Variants in ESRRG observed in about 807,000 individuals in gnomAD.
ESRRG encodes the protein estrogen related receptor gamma.
ESRRG carries 13 observed loss-of-function variants against 44.0 expected under a neutral mutation model. That is an observed-to-expected ratio of 0.30 (90% CI 0.19 to 0.47). The LOEUF (loss-of-function observed/expected upper bound fraction) is 0.47, where lower values mean the gene tolerates loss of function less well. ESRRG is among the 20% of genes least tolerant of loss of function. ESRRG has a pLI of 1.00. For synonymous variants in ESRRG, 215 were observed against 214.6 expected (o/e 1.00, Z -0.02); for missense variants, 395 against 580.6 (o/e 0.68, Z 3.29).
chr1:217,109,217 C>T (rs1261366747), intron 1 of ESRRG, among the ~76,000 whole-genome samples: 5 of 151,900 alleles, frequency 3.3e-5, no homozygotes, highest in African/African-American at 9.7e-5. Context: ...TCTGTATAAA[C>T]CAGTGAAGAG....
At position 216,554,690 on chromosome 1, in the gene ESRRG, G is replaced by A. The variant is rs372508997; in HGVS notation, c.862+9529C>T. Among the ~76,000 whole-genome samples the A allele has an allele frequency of 1.9e-4, 29 of 152,148 alleles. No individual in the cohort carries two copies. The South Asian group carries it at 5.2e-3, about 27-fold the overall frequency. On this transcript the variant is annotated intron_variant, in intron 5 of 6. Transcript: ENST00000408911. ...AATATGGATAGTTGGGGTCACTTTTGCTGTCAGTTAGTACAACTTTCCTGT... is the reference window on the plus strand; with the variant it reads ...AATATGGATAGTTGGGGTCACTTTTACTGTCAGTTAGTACAACTTTCCTGT...
intron 5 of ESRRG, among the ~76,000 whole-genome samples, chr1:216,534,969 G>A (rs575450163): frequency 6.6e-6 from 1 of 152,268 alleles, no homozygotes; most frequent in South Asian, 2.1e-4. Context: ...CCTGCAAACT[G>A]AAATGATGGA....
intron 1 of ESRRG, among the ~76,000 whole-genome samples, chr1:216,997,178 T>C (rs2076470824): frequency 6.6e-6 from 1 of 152,228 alleles, no homozygotes; most frequent in Admixed American, 6.5e-5. Context: ...CAGGGTACTT[T>C]AAATTCTCTT....
chr1:216,607,666 A>G (rs765752064), intron 3 of ESRRG, among the ~76,000 whole-genome samples: 1 of 152,278 alleles, frequency 6.6e-6, no homozygotes, highest in South Asian at 2.1e-4. Context: ...CTATTTTCTC[A>G]GTGGCTATTT....
chr1:216,628,836 C>G (rs1298210097), intron 3 of ESRRG, among the ~76,000 whole-genome samples: 1 of 152,164 alleles, frequency 6.6e-6, no homozygotes, highest in Non-Finnish European at 1.5e-5. Flanking sequence ...TTATCAAGTC[C>G]CTGACTCCAT....
chr1:217,029,263 A>G (rs1288066508), intron 1 of ESRRG, among the ~76,000 whole-genome samples: 1 of 152,206 alleles, frequency 6.6e-6, no homozygotes, highest in African/African-American at 2.4e-5. Context: ...GCATAAAATA[A>G]TAAGAAAAAT....
chr1:216,724,206 T>A (rs762157544), upstream of ESRRG, among the ~76,000 whole-genome samples: 4 of 152,138 alleles, frequency 2.6e-5, no homozygotes, highest in Non-Finnish European at 4.4e-5. Context: ...CGACTGTCTC[T>A]TTACATATAG....
intron 1 of ESRRG, among the ~76,000 whole-genome samples, chr1:217,025,424 T>G (rs560019754): frequency 7.2e-5 from 11 of 152,176 alleles, no homozygotes; most frequent in African/African-American, 2.6e-4. Flanking sequence ...ACTAAAGAAA[T>G]AAAGTCTGTC....
chr1:216,788,939 G>A (rs1257993610), intron 2 of ESRRG, among the ~76,000 whole-genome samples: 1 of 152,158 alleles, frequency 6.6e-6, no homozygotes, highest in African/African-American at 2.4e-5. Context: ...AATGGAGCCT[G>A]AAAGTGGAAC....
chr1:217,135,821 G>A (rs935555109), intron 1 of ESRRG, among the ~76,000 whole-genome samples: 2 of 152,170 alleles, frequency 1.3e-5, no homozygotes, highest in African/African-American at 4.8e-5. Flanking sequence ...GCGGGCGCGG[G>A]GATTCGGGCT....
rs371550285 is a variant in ESRRG, at chr1:216,854,091, G to C, written c.-14+85491C>G. 1.5e-3 allele frequency among the ~76,000 whole-genome samples: 231 copies of C among 152,090 alleles called. 2 individuals are homozygous for C. The highest frequency in any genetic ancestry group is 5.4e-3 in the African/African-American group (225 of 41,498). On this transcript the variant is annotated intron_variant, in intron 2 of 7. Transcript: ENST00000359162. The stretch of plus-strand genomic sequence containing the variant: ...TCCCTAGATGTGGCAGGGTGCGGTG[G>C]CTCATGCCTGTAATCCTAGCACTTT...
chr1:216,572,505 A>G (rs1435927945), intron 3 of ESRRG, among the ~76,000 whole-genome samples: 1 of 152,124 alleles, frequency 6.6e-6, no homozygotes, highest in East Asian at 1.9e-4. Flanking sequence ...ACAATACTGT[A>G]TAGATATCAT....
chr1:216,924,305 A>G (rs1028847140), intron 2 of ESRRG, among the ~76,000 whole-genome samples: 1 of 152,208 alleles, frequency 6.6e-6, no homozygotes, highest in Non-Finnish European at 1.5e-5. Context: ...TCTCTATCCT[A>G]ACATGCAGAT....
At chr1:216,707,737 T>C (rs573177953) in intron 1 of ESRRG, among the ~76,000 whole-genome samples, 1 of 152,358 alleles carries the variant, frequency 6.6e-6, no homozygotes, top group Non-Finnish European at 1.5e-5. Flanking sequence ...ATCAAGAAAA[T>C]GCAGTTCAAT....
At chr1:217,042,358 C>T (rs2084005074) in intron 1 of ESRRG, among the ~76,000 whole-genome samples, 1 of 151,938 alleles carries the variant, frequency 6.6e-6, no homozygotes, top group Non-Finnish European at 1.5e-5. Context: ...TCTTTGATTC[C>T]CAAGAATGGA....
chr1:217,077,600 G>C (rs1308844670), intron 1 of ESRRG, among the ~76,000 whole-genome samples: 1 of 152,156 alleles, frequency 6.6e-6, no homozygotes, highest in African/African-American at 2.4e-5. Flanking sequence ...TCCTAGCGAA[G>C]TAACTTAAAC....
chr1:216,863,633 C>G (rs780911001), intron 2 of ESRRG: 15 of 152,000 alleles, frequency 9.9e-5, no homozygotes, highest in Non-Finnish European at 1.9e-4. Flanking sequence ...TCTCCTATAC[C>G]CTTTTGAGAA....
At chr1:216,919,417 C>T (rs980493733) in intron 2 of ESRRG, among the ~76,000 whole-genome samples, 3 of 152,136 alleles carry the variant, frequency 2.0e-5, no homozygotes, top group Non-Finnish European at 4.4e-5. Flanking sequence ...ATTTCAAAGG[C>T]TTTGGTGAGG....
chr1:216,558,373 A>G (rs1185302210), intron 5 of ESRRG, among the ~76,000 whole-genome samples: 1 of 152,190 alleles, frequency 6.6e-6, no homozygotes, highest in East Asian at 1.9e-4. Flanking sequence ...TTAGACGCCA[A>G]TGGTCCTGCC....
Sources: gnomAD v4.1 joint callset for allele counts (sites outside exome capture counted in the v4.1 genomes callset) on GRCh38, gnomAD v4.1.1 for gene constraint, MANE v1.5 for transcripts, NCBI Gene and HGNC (gene_info 2026-07-23, HGNC 2026-07-21) for gene names.